Variants in SCN8A observed in about 807,000 individuals in gnomAD.
SCN8A encodes the protein sodium channel protein type 8 subunit alpha.
Under a neutral mutation model 184.1 loss-of-function variants are expected in SCN8A, and 30 were observed. The observed-to-expected ratio is 0.16, with a 90% CI of 0.12 to 0.22. The LOEUF is 0.22. SCN8A is among the 10% of genes least tolerant of loss of function. The probability of loss-of-function intolerance (pLI) is 1.00; values close to 1 mark genes in which losing one functional copy is unlikely to be tolerated. For missense variants in SCN8A, 1,057 were observed against 2,498.9 expected (o/e 0.42, Z 12.30); for synonymous variants, 852 against 907.0 (o/e 0.94, Z 1.09).
chr12:51,795,944 G>A (rs1938394626), intron 26 of SCN8A, among the ~76,000 whole-genome samples: 1 of 151,966 alleles, frequency 6.6e-6, no homozygotes, highest in African/African-American at 2.4e-5. Context: ...TTACTTGGGA[G>A]GCTGAGGTGG....
At chr12:51,623,649 A>G (rs965942605) in intron 1 of SCN8A, among the ~76,000 whole-genome samples, 4 of 152,176 alleles carry the variant, frequency 2.6e-5, no homozygotes, top group African/African-American at 4.8e-5. Flanking sequence ...GTTTTAGGGT[A>G]CATGTGCACA....
chr12:51,795,772 G>A (rs1938388414), intron 26 of SCN8A, among the ~76,000 whole-genome samples: 1 of 152,072 alleles, frequency 6.6e-6, no homozygotes, highest in Admixed American at 6.5e-5. Context: ...TGGGCCGGGT[G>A]CAGTGGCGCG....
At chr12:51,732,327 G>C (rs1166331222) in intron 12 of SCN8A, among the ~76,000 whole-genome samples, 1 of 152,124 alleles carries the variant, frequency 6.6e-6, no homozygotes, top group Non-Finnish European at 1.5e-5. Flanking sequence ...TGATGAGACT[G>C]TCTTTTCCCC....
At chr12:51,782,718 G>T (rs1029016828) in intron 21 of SCN8A, among the ~76,000 whole-genome samples, 1 of 152,142 alleles carries the variant, frequency 6.6e-6, no homozygotes, top group Admixed American at 6.5e-5. Flanking sequence ...CCTCATGGCC[G>T]CTGAGGCCAG....
At chr12:51,754,762 C>T (rs1393902890) in intron 14 of SCN8A, among the ~76,000 whole-genome samples, 2 of 152,168 alleles carry the variant, frequency 1.3e-5, no homozygotes, top group African/African-American at 4.8e-5. Context: ...GTAGAATTCC[C>T]TCAATGTGGG....
chr12:51,787,126 C>T (rs887223282), intron 22 of SCN8A, among the ~76,000 whole-genome samples: 3 of 152,104 alleles, frequency 2.0e-5, no homozygotes, highest in Non-Finnish European at 2.9e-5. Context: ...CTTCCCTTCC[C>T]GGTCAGAGAG....
At position 51,766,521 on chromosome 12, in the gene SCN8A, A is replaced by G. The variant is rs755476204; in HGVS notation, c.2901+494A>G. 8.8e-4 allele frequency among the ~76,000 whole-genome samples: 134 copies of G among 152,216 alleles called. 1 individual carries two copies. Among genetic ancestry groups the G allele is most frequent in the Non-Finnish European group, 2.9e-4 (20 of 68,030 alleles). On this transcript the variant is annotated intron_variant, in intron 16 of 26. Coordinates refer to ENST00000627620, the MANE Select transcript of SCN8A (RefSeq NM_001330260.2). Reference sequence around the variant, plus strand: ...TAGCATCCTGAGAGCTGTGACAACCAAAAATGTCTGCAGACATTGCCAGAT... The same window carrying G: ...TAGCATCCTGAGAGCTGTGACAACCGAAAATGTCTGCAGACATTGCCAGAT...
intron 1 of SCN8A, among the ~76,000 whole-genome samples, chr12:51,639,879 CTTTTTTTTTTTTTTTTTTTTTTTTTT>C (rs71092712): frequency 6.6e-5 from 1 of 15,078 alleles, no homozygotes; most frequent in Admixed American, 1.5e-3. Context: ...AAGGTATATG[CTTTTTTTTTTTTTTTTTTTTTTTTTT>C]TTTTTTTTTT....
At chr12:51,685,815 T>A (rs1592378692) in intron 3 of SCN8A, among the ~76,000 whole-genome samples, 1 of 152,228 alleles carries the variant, frequency 6.6e-6, no homozygotes, top group African/African-American at 2.4e-5. Context: ...GGATGTAGGA[T>A]CACTTGAGCC....
intron 1 of SCN8A, among the ~76,000 whole-genome samples, chr12:51,628,405 C>T (rs1490048606): frequency 6.6e-6 from 1 of 152,200 alleles, no homozygotes; most frequent in Non-Finnish European, 1.5e-5. Flanking sequence ...CTACTGATGT[C>T]ACTAATAATA....
At chr12:51,669,560 C>G (rs1168562811) in intron 2 of SCN8A, among the ~76,000 whole-genome samples, 1 of 152,194 alleles carries the variant, frequency 6.6e-6, no homozygotes, top group Non-Finnish European at 1.5e-5. Flanking sequence ...TCTACCCACA[C>G]AGGCCCAGCC....
chr12:51,614,567 A>G (rs944123325), intron 1 of SCN8A, among the ~76,000 whole-genome samples: 1 of 152,154 alleles, frequency 6.6e-6, no homozygotes, highest in African/African-American at 2.4e-5. Context: ...ATCTTATATA[A>G]CAGTGATACA....
chr12:51,751,967 A>C (rs1231443306), intron 14 of SCN8A, among the ~76,000 whole-genome samples: 1 of 152,080 alleles, frequency 6.6e-6, no homozygotes, highest in African/African-American at 2.4e-5. Context: ...CTTTCACCTT[A>C]AGTAACATCT....
intron 12 of SCN8A, among the ~76,000 whole-genome samples, chr12:51,737,332 A>G (rs1217695716): frequency 6.6e-6 from 1 of 152,204 alleles, no homozygotes; most frequent in Non-Finnish European, 1.5e-5. Flanking sequence ...GAGTTGAAAA[A>G]ATTAGCAAAT....
At chr12:51,610,446 T>C (rs1442305224) in intron 1 of SCN8A, among the ~76,000 whole-genome samples, 2 of 152,142 alleles carry the variant, frequency 1.3e-5, no homozygotes, top group African/African-American at 4.8e-5. Context: ...TTTTTTTGTT[T>C]TTTGTTTTTG....
chr12:51,722,447 A>T (rs937199749), intron 12 of SCN8A: 2 of 156,190 alleles, frequency 1.3e-5, no homozygotes, highest in African/African-American at 4.8e-5. Flanking sequence ...CTTGGAATTT[A>T]GAGATCTTAT....
At chr12:51,738,298 A>C (rs1942360467) in intron 12 of SCN8A, among the ~76,000 whole-genome samples, 1 of 152,212 alleles carries the variant, frequency 6.6e-6, no homozygotes, top group African/African-American at 2.4e-5. Flanking sequence ...TACAGAAGTT[A>C]TAATTGGTTG....
chr12:51,642,046 CT>C (rs1228432783), intron 1 of SCN8A, among the ~76,000 whole-genome samples: 1 of 152,144 alleles, frequency 6.6e-6, no homozygotes, highest in African/African-American at 2.4e-5. Flanking sequence ...GTCCTATCTC[CT>C]TTTTTTCTTT....
intron 16 of SCN8A, chr12:51,766,303 A>G (rs1262109654): frequency 4.0e-6 from 2 of 499,896 alleles, no homozygotes; most frequent in Admixed American, 6.8e-5. Context: ...CCAAATAAAT[A>G]TAGGGCTTGT....
Sources: gnomAD v4.1 joint callset for allele counts (sites outside exome capture counted in the v4.1 genomes callset) on GRCh38, gnomAD v4.1.1 for gene constraint, MANE v1.5 for transcripts, NCBI Gene and HGNC (gene_info 2026-07-23, HGNC 2026-07-21) for gene names.